The following OCA2 variants were observed in gnomAD, a reference collection of about 807,000 sequenced individuals.
The protein encoded by OCA2 is P protein.
A neutral mutation model predicts 100.2 loss-of-function variants in OCA2; 77 were observed. That is an observed-to-expected ratio of 0.77 (90% CI 0.64 to 0.93). OCA2 has a LOEUF of 0.93. Among genes scored for constraint, OCA2 ranks in the 40% least tolerant of loss-of-function variants. The pLI, the probability that OCA2 is intolerant of heterozygous loss-of-function variation, is 0.00. For synonymous variants in OCA2, 432 were observed against 439.2 expected (o/e 0.98, Z 0.21); for missense variants, 1,062 against 1,089.1 (o/e 0.98, Z 0.35).
intron 18 of OCA2, chr15:27,950,481 T>C: frequency 2.0e-6 from 1 of 506,948 alleles, no homozygotes; most frequent in Non-Finnish European, 3.9e-6. Context: ...CAGCTTTGGA[T>C]CATTACCTCA....
chr15:27,748,960 A>G, the OCA2 span, among the ~76,000 whole-genome samples: 1 of 131,854 alleles, frequency 7.6e-6, no homozygotes, highest in Non-Finnish European at 1.5e-5. Flanking sequence ...GAAAATACTG[A>G]AAAAAAAATG....
intron 18 of OCA2, among the ~76,000 whole-genome samples, chr15:27,939,200 T>G (rs970720100): frequency 6.6e-6 from 1 of 152,244 alleles, no homozygotes; most frequent in Admixed American, 6.5e-5. Flanking sequence ...AAGGAAGGCA[T>G]CATAGCTGTT....
chr15:27,828,369 T>C (rs1357964283), intron 23 of OCA2, among the ~76,000 whole-genome samples: 1 of 152,214 alleles, frequency 6.6e-6, no homozygotes, highest in African/African-American at 2.4e-5. Flanking sequence ...CCCTAGCTAC[T>C]GTGGGGCTCC....
intron 6 of OCA2, among the ~76,000 whole-genome samples, chr15:28,021,679 G>A (rs2042597827): frequency 1.3e-5 from 2 of 152,190 alleles, no homozygotes; most frequent in Admixed American, 6.5e-5. Flanking sequence ...CCCCAGTGAT[G>A]CCAAGCTTCA....
intron 2 of OCA2, among the ~76,000 whole-genome samples, chr15:28,066,491 T>A (rs2044028331): frequency 1.3e-5 from 2 of 152,094 alleles, no homozygotes; most frequent in Admixed American, 1.3e-4. Context: ...GCATTAACAT[T>A]TAAAACAGAG....
intron 21 of OCA2, among the ~76,000 whole-genome samples, chr15:27,857,198 A>G (rs553850309): frequency 1.3e-5 from 2 of 152,256 alleles, no homozygotes; most frequent in Admixed American, 1.3e-4. Flanking sequence ...TATAAATTAT[A>G]AAGAGGAATC....
At chr15:28,076,824 G>A (rs1348777540) in intron 2 of OCA2, among the ~76,000 whole-genome samples, 5 of 143,158 alleles carry the variant, frequency 3.5e-5, no homozygotes, top group African/African-American at 8.2e-5. Context: ...TCCGCAGTCC[G>A]GCCTGGGCGA....
chr15:28,088,723 G>T (rs764003755), intron 1 of OCA2, among the ~76,000 whole-genome samples: 2 of 152,140 alleles, frequency 1.3e-5, no homozygotes, highest in Non-Finnish European at 2.9e-5. Flanking sequence ...ACATGAATAG[G>T]GTGTGGGTCA....
At chr15:27,724,063 G>T in the OCA2 span, among the ~76,000 whole-genome samples, 2 of 152,240 alleles carry the variant, frequency 1.3e-5, no homozygotes, top group Middle Eastern at 3.4e-3. Flanking sequence ...ATGATCTCTG[G>T]GGATATTGCA....
intron 15 of OCA2, among the ~76,000 whole-genome samples, chr15:27,958,416 G>C: frequency 6.6e-6 from 1 of 152,220 alleles, no homozygotes; most frequent in East Asian, 1.9e-4. Context: ...AAACACAAGT[G>C]TAATTCTCAG....
chr15:27,871,308 G>A (rs747103676), intron 20 of OCA2, 50 bp from the exon 21 acceptor site: 2 of 1,434,878 alleles, frequency 1.4e-6, no homozygotes, highest in Middle Eastern at 1.7e-4. Flanking sequence ...TGCACTTAGG[G>A]TCAGACCCAC....
downstream of OCA2, among the ~76,000 whole-genome samples, chr15:27,753,415 G>A (rs2150966317): frequency 6.6e-6 from 1 of 152,122 alleles, no homozygotes; most frequent in Admixed American, 6.5e-5. Flanking sequence ...GGAGAAATGA[G>A]CCCGGAGCTA....
chr15:28,081,960 G>T, intron 1 of OCA2, 65 bp from the exon 2 acceptor site: 2 of 1,319,812 alleles, frequency 1.5e-6, no homozygotes, highest in Non-Finnish European at 1.1e-6. Context: ...TTGCACCTTG[G>T]GAGTCCGTAC....
chr15:27,753,305 G>A (rs2030136844), downstream of OCA2, among the ~76,000 whole-genome samples: 1 of 151,328 alleles, frequency 6.6e-6, no homozygotes, highest in Non-Finnish European at 1.5e-5. Context: ...CAGGGTGGGT[G>A]TAACACGGAG....
intron 6 of OCA2, among the ~76,000 whole-genome samples, chr15:28,020,835 A>G (rs1177809172): frequency 6.6e-6 from 1 of 152,156 alleles, no homozygotes; most frequent in Admixed American, 6.5e-5. Flanking sequence ...GGGAAGCACA[A>G]ACTGTGACCA....
chr15:28,021,473 C>G, intron 6 of OCA2, among the ~76,000 whole-genome samples: 1 of 152,374 alleles, frequency 6.6e-6, no homozygotes, highest in East Asian at 1.9e-4. Flanking sequence ...GCCAGCCCCA[C>G]ACTTCAGAAT....
chr15:27,759,089 C>G (rs568846217), intron 23 of OCA2, among the ~76,000 whole-genome samples: 1 of 152,128 alleles, frequency 6.6e-6, no homozygotes, highest in African/African-American at 2.4e-5. Flanking sequence ...TGACAATTTA[C>G]CTATAGAGAA....
At chr15:27,721,370 T>C in the OCA2 span, among the ~76,000 whole-genome samples, 1 of 152,028 alleles carries the variant, frequency 6.6e-6, no homozygotes, top group Non-Finnish European at 1.5e-5. Flanking sequence ...CCTGCACCCC[T>C]CCACAAGAAA....
intron 2 of OCA2, among the ~76,000 whole-genome samples, chr15:28,072,511 AC>A (rs1439401467): frequency 6.7e-6 from 1 of 149,466 alleles, no homozygotes; most frequent in African/African-American, 2.5e-5. Context: ...AATGGCGTGA[AC>A]CTGGAAGGCA....
Sources: allele counts gnomAD v4.1 joint callset (sites outside exome capture counted in the v4.1 genomes callset), GRCh38; gene constraint gnomAD v4.1.1; transcripts MANE v1.5; gene names NCBI Gene and HGNC (gene_info 2026-07-23, HGNC 2026-07-21).